Variants in MTIF3 observed in about 807,000 individuals in gnomAD.
MTIF3 encodes the protein mitochondrial translational initiation factor 3.
A neutral mutation model predicts 20.7 loss-of-function variants in MTIF3; 13 were observed. The ratio of observed to expected loss-of-function variants is 0.63; its 90% CI spans 0.41 to 1.00. The LOEUF (loss-of-function observed/expected upper bound fraction) is 1.00. MTIF3 is among the 50% of genes least tolerant of loss of function. The pLI, the probability that MTIF3 is intolerant of heterozygous loss-of-function variation, is 0.00. For synonymous variants in MTIF3, 114 were observed against 112.5 expected, an observed-to-expected ratio of 1.01 and a Z score of -0.08; for missense variants, 295 against 324.5, an observed-to-expected ratio of 0.91 and a Z score of 0.70.
In MTIF3 at chr13:27,435,826, G is replaced by C; in HGVS notation, c.686C>G (p.Ala229Gly). 1 of 1,614,112 alleles carries C rather than the reference G, an allele frequency of 6.2e-7. No individual in the cohort carries two copies. The highest frequency in any genetic ancestry group is 8.5e-7 in the Non-Finnish European group (1 of 1,180,026). ...GIATFSSRPQ[A>G]VQGGKALMCV... ...CATTAAAGCTTTTCCTCCTTGAACAGCTTGTGGCCTAGATGAGAATGTAGC... is the reference window on the plus strand; with the variant it reads ...CATTAAAGCTTTTCCTCCTTGAACACCTTGTGGCCTAGATGAGAATGTAGC... The change falls in exon 5 of 5, where the codon GCT (alanine) becomes GGT (glycine). Residue 229 changes from alanine (A) to glycine (G), a missense_variant. By Grantham distance (60) the Ala-to-Gly change is moderately conservative (BLOSUM62 0). Coordinates refer to ENST00000381120, the MANE Select transcript of MTIF3 (RefSeq NM_152912.5).
chr13:27,442,535 T>A (rs1290627439), intron 2 of MTIF3, among the ~76,000 whole-genome samples: 2 of 152,224 alleles, frequency 1.3e-5, no homozygotes, highest in African/African-American at 2.4e-5. Context: ...TCACTCCAAG[T>A]AAAAGCTAAG....
At chr13:27,448,765 C>T (rs1316749401) in intron 1 of MTIF3, among the ~76,000 whole-genome samples, 2 of 152,158 alleles carry the variant, frequency 1.3e-5, no homozygotes, top group African/African-American at 4.8e-5. Context: ...CGGCCGGGCA[C>T]GGTGGCTCAC....
Position 27,435,694 on chromosome 13 carries a change from G to A in MTIF3, c.818C>T (p.Ser273Leu), listed in dbSNP as rs746392918. 1 of 1,613,924 alleles carries A rather than the reference G, an allele frequency of 6.2e-7. No homozygotes were observed. Among genetic ancestry groups the A allele is most frequent in the South Asian group, 1.1e-5 (1 of 91,074 alleles). Residue 273 changes from serine to leucine, a missense_variant, in exon 5 of 5, where the codon TCA becomes TTA. By Grantham distance (145) the Ser-to-Leu change is moderately radical. Coordinates refer to ENST00000381120, the MANE Select transcript of MTIF3 (RefSeq NM_152912.5). ...TTAAAATTACTGATGCAGAACATTT[G>A]ATTCCTTATCATTTCCATGGTCTTT... The part of the protein sequence containing the change: ...LNKDHGNDKE[S>L]NVLHQ
intron 3 of MTIF3, among the ~76,000 whole-genome samples, chr13:27,438,492 T>TTTTTG (rs1555259845): frequency 2.3e-4 from 11 of 48,388 alleles, no homozygotes; most frequent in Non-Finnish European, 6.2e-4. Context: ...TGTTTTTTTT[T>TTTTTG]TTTTTTTTTT....
At chr13:27,438,607 C>T (rs1030933782) in intron 3 of MTIF3, among the ~76,000 whole-genome samples, 3 of 151,352 alleles carry the variant, frequency 2.0e-5, no homozygotes, top group Admixed American at 1.3e-4. Flanking sequence ...GTGATCCTCC[C>T]ACCTCAGCCT....
At chr13:27,445,866 G>C (rs899772104) in intron 1 of MTIF3, among the ~76,000 whole-genome samples, 1 of 151,990 alleles carries the variant, frequency 6.6e-6, no homozygotes, top group Admixed American at 6.6e-5. Flanking sequence ...AAATCCAGAT[G>C]GAACAAGACA....
chr13:27,435,873 T>C lies in MTIF3; in HGVS notation c.639A>G (p.Ile213Met). ...TAGCTATTCCAGGCATAGTCTGGAG[T>C]ATTTGATGAAATATCTCCTCCTAAA... ...ENEMEEIFHQILQTMPGIATF... is the reference protein window; with the variant it reads ...ENEMEEIFHQMLQTMPGIATF... Residue 213 changes from isoleucine to methionine, a missense_variant, in exon 5 of 5, where the codon ATA becomes ATG. Coordinates refer to ENST00000381120, the MANE Select transcript of MTIF3 (RefSeq NM_152912.5). 1 of 1,612,682 alleles carries C rather than the reference T, an allele frequency of 6.2e-7. No individual in the cohort carries two copies. The highest frequency in any genetic ancestry group is 8.5e-7 in the Non-Finnish European group (1 of 1,179,482).
chr13:27,444,560 T>C (rs772873305), intron 2 of MTIF3, among the ~76,000 whole-genome samples: 1 of 152,230 alleles, frequency 6.6e-6, no homozygotes, highest in Non-Finnish European at 1.5e-5. Context: ...ATATTACATT[T>C]AAATTGCAGC....
chr13:27,441,659 T>C (rs920235273), intron 2 of MTIF3, among the ~76,000 whole-genome samples: 4 of 152,252 alleles, frequency 2.6e-5, no homozygotes, highest in African/African-American at 4.8e-5. Flanking sequence ...TGGTAAATCT[T>C]AGAAGTACAG....
chr13:27,438,508 T>A (rs1228135600), intron 3 of MTIF3, among the ~76,000 whole-genome samples: 1 of 128,434 alleles, frequency 7.8e-6, no homozygotes, highest in African/African-American at 2.8e-5. Flanking sequence ...TTTTTTTTTT[T>A]TAAACACAGG....
At chr13:27,450,463 G>GATGCCGGTCCGC (rs1342133695) in intron 1 of MTIF3, 46 bp downstream of exon 1, 1 of 152,278 alleles carries the variant, frequency 6.6e-6, no homozygotes, top group Admixed American at 6.5e-5. Context: ...ACGCCCTCCC[G>GATGCCGGTCCGC]ATGCCGGTCC....
chr13:27,444,289 A>G (rs929397634), intron 2 of MTIF3, among the ~76,000 whole-genome samples: 1 of 152,128 alleles, frequency 6.6e-6, no homozygotes, highest in East Asian at 1.9e-4. Flanking sequence ...TGGGCGACAG[A>G]GCGAGACTCT....
At chr13:27,447,453 C>T (rs1352364539) in intron 1 of MTIF3, among the ~76,000 whole-genome samples, 1 of 152,142 alleles carries the variant, frequency 6.6e-6, no homozygotes, top group Non-Finnish European at 1.5e-5. Flanking sequence ...GTTGCATTTG[C>T]TGCACTCACT....
intron 3 of MTIF3, among the ~76,000 whole-genome samples, chr13:27,439,122 A>G (rs912138344): frequency 2.0e-5 from 3 of 152,226 alleles, no homozygotes. Context: ...GACTGGTTGT[A>G]TATCTAAGAG....
intron 2 of MTIF3, among the ~76,000 whole-genome samples, chr13:27,443,119 T>G (rs1954058764): frequency 6.6e-6 from 1 of 152,222 alleles, no homozygotes; most frequent in African/African-American, 2.4e-5. Flanking sequence ...AGCTGGCATT[T>G]CAGATGCCCG....
chr13:27,435,659 C>T lies in MTIF3; in HGVS notation c.*16G>A, dbSNP rs1953710926. On this transcript the variant is annotated 3_prime_UTR_variant, in exon 5 of 5. Coordinates refer to ENST00000381120, the MANE Select transcript of MTIF3 (RefSeq NM_152912.5). ...GGAGCGAGCTTTCTCTCAGAGCATG[C>T]TTTTCTTTATTAAAATTACTGATGC... 3 of 1,612,742 alleles carry T rather than the reference C, an allele frequency of 1.9e-6. No homozygotes were observed. The East Asian group carries it at 6.7e-5, about 36-fold the overall frequency.
chr13:27,436,266 GTC>G (rs1279285762), intron 4 of MTIF3, among the ~76,000 whole-genome samples: 2 of 152,134 alleles, frequency 1.3e-5, no homozygotes, highest in Non-Finnish European at 2.9e-5. Context: ...CCCTAACAGA[GTC>G]TCTCTCAGTG....
chr13:27,450,484 C>T (rs151253573), intron 1 of MTIF3, 25 bp downstream of exon 1: 80 of 152,640 alleles, frequency 5.2e-4, no homozygotes, highest in African/African-American at 1.8e-3. Context: ...GCGCACCGCT[C>T]CGCACGCCTC....
intron 1 of MTIF3, among the ~76,000 whole-genome samples, chr13:27,446,061 TTTC>T (rs1377295819): frequency 6.8e-6 from 1 of 146,502 alleles, no homozygotes; most frequent in Non-Finnish European, 1.5e-5. Context: ...AATTTTCTTT[TTTC>T]TTTTTTTTTT....
Sources: gnomAD v4.1 joint callset for allele counts (sites outside exome capture counted in the v4.1 genomes callset) on GRCh38, gnomAD v4.1.1 for gene constraint, MANE v1.5 for transcripts, NCBI Gene and HGNC (gene_info 2026-07-23, HGNC 2026-07-21) for gene names.